Variants in NEXMIF observed in about 807,000 individuals in gnomAD.
NEXMIF encodes the protein neurite extension and migration factor.
Under a neutral mutation model 62.1 loss-of-function variants are expected in NEXMIF, and 8 were observed. That is an observed-to-expected ratio of 0.13 (90% CI 0.08 to 0.23). The LOEUF (loss-of-function observed/expected upper bound fraction) is 0.23. Among genes scored for constraint, NEXMIF ranks in the 10% least tolerant of loss-of-function variants. NEXMIF has a pLI of 1.00. For missense variants in NEXMIF, 976 were observed against 1,113.3 expected (o/e 0.88, Z 1.75); for synonymous variants, 404 against 416.6 (o/e 0.97, Z 0.37).
At chrX:74,830,681 T>G (rs2080433226) in intron 1 of NEXMIF, among the ~76,000 whole-genome samples, 1 of 112,375 alleles carries the variant, frequency 8.9e-6, no homozygotes, top group Non-Finnish European at 1.9e-5. Flanking sequence ...TTCCAATCCA[T>G]GAACATGGAA....
intron 1 of NEXMIF, among the ~76,000 whole-genome samples, chrX:74,868,771 G>C (rs1228749109): frequency 9.1e-6 from 1 of 110,330 alleles, no homozygotes; most frequent in African/African-American, 3.3e-5. Context: ...ATGTATCCCA[G>C]AGCTTAAAAT....
At chrX:74,759,272 A>T (rs1238097888) in intron 1 of NEXMIF, among the ~76,000 whole-genome samples, 3 of 112,402 alleles carry the variant, frequency 2.7e-5, no homozygotes, top group Non-Finnish European at 5.6e-5. Context: ...AGTTCCTTAA[A>T]GATGCTGGAT....
chrX:74,818,625 TA>T (rs1178769948), intron 1 of NEXMIF, among the ~76,000 whole-genome samples: 1 of 111,994 alleles, frequency 8.9e-6, no homozygotes, highest in East Asian at 2.8e-4. Flanking sequence ...CTAATTAAAC[TA>T]AAGATTTTCT....
At chrX:74,894,634 T>A (rs2080727494) in intron 1 of NEXMIF, among the ~76,000 whole-genome samples, 1 of 112,169 alleles carries the variant, frequency 8.9e-6, no homozygotes, top group Admixed American at 9.4e-5. Context: ...GAAAGATCAT[T>A]TATCATGACC....
chrX:74,883,071 C>T (rs973243312), intron 1 of NEXMIF, among the ~76,000 whole-genome samples: 1 of 111,894 alleles, frequency 8.9e-6, no homozygotes, highest in African/African-American at 3.3e-5. Context: ...TCCAACAGAC[C>T]TGCAGGTGAG....
intron 1 of NEXMIF, among the ~76,000 whole-genome samples, chrX:74,748,744 A>G (rs2080133254): frequency 9.0e-6 from 1 of 111,723 alleles, no homozygotes; most frequent in African/African-American, 3.3e-5. Flanking sequence ...AGGCTCATAG[A>G]TCCTGTAGGC....
intron 1 of NEXMIF, among the ~76,000 whole-genome samples, chrX:74,796,012 G>C (rs1372424368): frequency 3.1e-5 from 3 of 97,685 alleles, no homozygotes; most frequent in Non-Finnish European, 6.0e-5. Flanking sequence ...TTGTTATAGG[G>C]GGAAGTTACA....
At chrX:74,869,715 C>A (rs1203339124) in intron 1 of NEXMIF, among the ~76,000 whole-genome samples, 1 of 111,465 alleles carries the variant, frequency 9.0e-6, no homozygotes, top group Non-Finnish European at 1.9e-5. Flanking sequence ...ATTCCATTTA[C>A]AATAGCTATA....
rs766908924 is a variant in NEXMIF at position 74,864,057 on chromosome X, A to G, written c.-48+60826T>C. Among the ~76,000 whole-genome samples, 4 of 112,351 alleles carry G rather than the reference A, an allele frequency of 3.6e-5. No individual in the cohort carries two copies. In the East Asian group the frequency reaches 1.1e-3, roughly 31 times the overall value. Reference sequence around the variant, plus strand: ...TGCAGAAAAGGCCTTCAATAAAATTAAACATCCCTTCATGTTAAAAACTCT... The same window carrying G: ...TGCAGAAAAGGCCTTCAATAAAATTGAACATCCCTTCATGTTAAAAACTCT... On this transcript the variant is annotated intron_variant, in intron 1 of 3. Coordinates refer to ENST00000055682, the MANE Select transcript of NEXMIF (RefSeq NM_001008537.3).
intron 1 of NEXMIF, among the ~76,000 whole-genome samples, chrX:74,831,349 C>G (rs1390000914): frequency 2.1e-5 from 2 of 95,303 alleles, no homozygotes; most frequent in Non-Finnish European, 4.2e-5. Context: ...CCCCCTCCCC[C>G]AACCCCACAA....
At chrX:74,861,800 G>A (rs745364995) in intron 1 of NEXMIF, among the ~76,000 whole-genome samples, 1 of 111,560 alleles carries the variant, frequency 9.0e-6, no homozygotes, top group East Asian at 2.8e-4. Flanking sequence ...AATGCTTAGG[G>A]AATTCATCAC....
intron 1 of NEXMIF, among the ~76,000 whole-genome samples, chrX:74,880,377 G>C (rs976507536): frequency 9.0e-5 from 10 of 111,554 alleles, no homozygotes; most frequent in African/African-American, 2.9e-4. Context: ...GTGACTTCAT[G>C]ATGATGGCCT....
chrX:74,842,231 A>C lies in NEXMIF; in HGVS notation c.-48+82652T>G, dbSNP rs1012189168. 2.1e-4 allele frequency among the ~76,000 whole-genome samples: 23 copies of C among 111,417 alleles called. 1 individual carries two copies. Among genetic ancestry groups the C allele is most frequent in the African/African-American group, 7.2e-4 (22 of 30,598 alleles). On this transcript the variant is annotated intron_variant, in intron 1 of 3. Coordinates refer to ENST00000055682, the MANE Select transcript of NEXMIF (RefSeq NM_001008537.3). ...GGAGAGAGTATGTGTCCAGAAATTT[A>C]TCCATCTCTTCTAGGTTTTCTAGTT...
intron 1 of NEXMIF, among the ~76,000 whole-genome samples, chrX:74,915,576 G>T (rs1461701294): frequency 2.7e-5 from 3 of 112,019 alleles, no homozygotes; most frequent in Non-Finnish European, 3.8e-5. Context: ...ATAGAATTAT[G>T]GTTGAAAATC....
At chrX:74,900,972 T>C (rs1030887931) in intron 1 of NEXMIF, among the ~76,000 whole-genome samples, 11 of 111,242 alleles carry the variant, frequency 9.9e-5, no homozygotes, top group Non-Finnish European at 3.8e-5. Flanking sequence ...GGATAGAAAA[T>C]AGAATGCTGG....
At chrX:74,859,446 T>G (rs949226892) in intron 1 of NEXMIF, among the ~76,000 whole-genome samples, 11 of 111,283 alleles carry the variant, frequency 9.9e-5, no homozygotes, top group African/African-American at 2.6e-4. Flanking sequence ...ATAAAGACTT[T>G]CCCACACAAA....
chrX:74,832,117 C>T (rs895197972), intron 1 of NEXMIF, among the ~76,000 whole-genome samples: 1 of 111,340 alleles, frequency 9.0e-6, no homozygotes, highest in Non-Finnish European at 1.9e-5. Context: ...AGAGTAATAC[C>T]GCCCTCACAG....
intron 1 of NEXMIF, among the ~76,000 whole-genome samples, chrX:74,908,215 A>G (rs1048153099): frequency 8.9e-6 from 1 of 112,116 alleles, no homozygotes; most frequent in Non-Finnish European, 1.9e-5. Context: ...CTTTCAGTGC[A>G]TATTATGCCA....
At chrX:74,775,046 G>T (rs1375524552) in intron 1 of NEXMIF, among the ~76,000 whole-genome samples, 1 of 111,238 alleles carries the variant, frequency 9.0e-6, no homozygotes, top group Non-Finnish European at 1.9e-5. Context: ...ATATTTTTTT[G>T]GGGGGAGAAA....
Sources: gnomAD v4.1 joint callset for allele counts (sites outside exome capture counted in the v4.1 genomes callset) on GRCh38, gnomAD v4.1.1 for gene constraint, MANE v1.5 for transcripts, NCBI Gene and HGNC (gene_info 2026-07-23, HGNC 2026-07-21) for gene names.